The following SIN3A variants were observed in gnomAD, a reference collection of about 807,000 sequenced individuals.
SIN3A encodes the protein paired amphipathic helix protein Sin3a.
Under a neutral mutation model 146.1 loss-of-function variants are expected in SIN3A, and 14 were observed. The observed-to-expected ratio is 0.10, with a 90% CI of 0.06 to 0.15. The LOEUF (loss-of-function observed/expected upper bound fraction) is 0.15, where lower values mean the gene tolerates loss of function less well. Among genes scored for constraint, SIN3A ranks in the 10% least tolerant of loss-of-function variants. SIN3A has a pLI of 1.00. For synonymous variants in SIN3A, 572 were observed against 572.0 expected (o/e 1.00, Z 0.00); for missense variants, 1,028 against 1,576.0 (o/e 0.65, Z 5.89).
chr15:75,400,723 G>C lies in SIN3A; in HGVS notation c.1737+7C>G. ...CCAGGGCTGATCTTTGCTAGGGAAG[G>C]CCTTACCTCTTTACAGAGAGGAGTC... On this transcript the variant is annotated splice_region_variant and intron_variant, in intron 11 of 20. Coordinates refer to ENST00000394947, the MANE Select transcript of SIN3A (RefSeq NM_001145358.2). The C allele has an allele frequency of 6.2e-7, 1 of 1,610,838 alleles. No individual in the cohort carries two copies. The highest frequency in any genetic ancestry group is 8.5e-7 in the Non-Finnish European group (1 of 1,178,144).
At chr15:75,412,726 T>G in intron 5 of SIN3A, 37 bp downstream of exon 5, 1 of 1,517,536 alleles carries the variant, frequency 6.6e-7, no homozygotes, top group Non-Finnish European at 8.8e-7. Context: ...TCTCTAGGGA[T>G]GCATTCATAT....
chr15:75,376,170 C>A (rs889387461), intron 19 of SIN3A: 3 of 449,246 alleles, frequency 6.7e-6, no homozygotes, highest in African/African-American at 5.9e-5. Context: ...TTACCAGCTA[C>A]AGTTCTGCTT....
intron 2 of SIN3A, among the ~76,000 whole-genome samples, chr15:75,426,445 T>C (rs887152164): frequency 1.3e-5 from 2 of 152,208 alleles, no homozygotes; most frequent in East Asian, 3.8e-4. Flanking sequence ...AACTGCCAAA[T>C]TGCTCTCAAA....
At chr15:75,400,675 C>G in intron 11 of SIN3A, 55 bp downstream of exon 11, 1 of 1,291,218 alleles carries the variant, frequency 7.7e-7, no homozygotes, top group South Asian at 1.2e-5. Flanking sequence ...TACCACCACT[C>G]CCTTCTGGAA....
intron 3 of SIN3A, chr15:75,419,671 A>C (rs2073806926): frequency 6.6e-6 from 1 of 151,534 alleles, no homozygotes; most frequent in Non-Finnish European, 1.5e-5. Flanking sequence ...AAAAAAAAAA[A>C]TACAAAAATT....
At chr15:75,382,270 T>G (rs2072986777) in intron 17 of SIN3A, among the ~76,000 whole-genome samples, 1 of 152,246 alleles carries the variant, frequency 6.6e-6, no homozygotes, top group African/African-American at 2.4e-5. Flanking sequence ...AGTGTTCTTT[T>G]AAAGCTTTAA....
chr15:75,400,262 A>G (rs1048429047), intron 11 of SIN3A, 106 bp from the exon 12 acceptor site: 16 of 653,586 alleles, frequency 2.4e-5, no homozygotes, highest in Non-Finnish European at 5.5e-6. Context: ...TAGGCAACTA[A>G]TATTACTTCA....
chr15:75,416,128 T>G (rs547979642), intron 3 of SIN3A: 23 of 185,842 alleles, frequency 1.2e-4, no homozygotes, highest in Non-Finnish European at 2.1e-4. Flanking sequence ...TCAAGCTTTA[T>G]AAAAATGCAG....
intron 1 of SIN3A, chr15:75,447,857 A>T (rs1401648984): frequency 6.6e-6 from 1 of 152,190 alleles, no homozygotes; most frequent in African/African-American, 2.4e-5. Flanking sequence ...AAAAGGGGCA[A>T]ATAAGAAATA....
chr15:75,453,846 C>G (rs2074446164), upstream of SIN3A: 1 of 152,298 alleles, frequency 6.6e-6, no homozygotes, highest in Non-Finnish European at 1.5e-5. Context: ...CACTGTAATC[C>G]CCTGGCTTCA....
At chr15:75,437,918 A>T (rs2074134282) in intron 1 of SIN3A, among the ~76,000 whole-genome samples, 2 of 152,252 alleles carry the variant, frequency 1.3e-5, no homozygotes, top group Admixed American at 6.5e-5. Flanking sequence ...ACTCTGGGTG[A>T]CTGAGGAGGA....
At chr15:75,414,362 T>TA in intron 3 of SIN3A, 51 bp from the exon 4 acceptor site, 5 of 1,015,444 alleles carry the variant, frequency 4.9e-6, no homozygotes, top group East Asian at 2.8e-5. Flanking sequence ...AGCTCATAAT[T>TA]ACAAAAAAAA....
At chr15:75,450,286 T>C (rs2074379019) in intron 1 of SIN3A, among the ~76,000 whole-genome samples, 1 of 152,046 alleles carries the variant, frequency 6.6e-6, no homozygotes, top group Non-Finnish European at 1.5e-5. Context: ...AGGAGGAGCT[T>C]CCACTGCCTT....
chr15:75,437,910 T>C (rs2074133979), intron 1 of SIN3A, among the ~76,000 whole-genome samples: 1 of 152,124 alleles, frequency 6.6e-6, no homozygotes, highest in South Asian at 2.1e-4. Flanking sequence ...ATTCCAGCAC[T>C]CTGGGTGACT....
chr15:75,411,474 T>C lies in SIN3A; in HGVS notation c.1008+18A>G, dbSNP rs1314469889. The C allele has an allele frequency of 6.2e-7, 1 of 1,606,394 alleles. No homozygotes were observed. The highest frequency in any genetic ancestry group is 8.5e-7 in the Non-Finnish European group (1 of 1,175,190). On this transcript the variant is annotated intron_variant, in intron 6 of 20. Transcript: ENST00000394947. ...AGAGGGTGACCTGGTTAAGACAGGC[T>C]GAATGGGCACTCCTTACCTGATATG...
intron 3 of SIN3A, chr15:75,420,736 G>GT (rs758132149): frequency 6.6e-6 from 1 of 152,216 alleles, no homozygotes; most frequent in Non-Finnish European, 1.5e-5. Flanking sequence ...TCAAATGCTT[G>GT]TAATGCATTT....
intron 1 of SIN3A, among the ~76,000 whole-genome samples, chr15:75,448,483 G>C (rs1490183553): frequency 6.2e-5 from 9 of 145,746 alleles, no homozygotes; most frequent in Admixed American, 6.1e-4. Flanking sequence ...GACAGAGCAG[G>C]ACTCCATCTC....
At chr15:75,454,788 T>TCGC (rs879628733), upstream of SIN3A, 8 of 151,810 alleles carry the variant, frequency 5.3e-5, no homozygotes, top group African/African-American at 1.2e-4. Flanking sequence ...AGAGCAGCAG[T>TCGC]CGCCGCCGCC....
intron 1 of SIN3A, among the ~76,000 whole-genome samples, chr15:75,438,983 T>A (rs2074153362): frequency 6.6e-6 from 1 of 152,248 alleles, no homozygotes; most frequent in South Asian, 2.1e-4. Context: ...AGATTTCATA[T>A]ATTGATTAGA....
Sources: gnomAD v4.1 joint callset for allele counts (sites outside exome capture counted in the v4.1 genomes callset) on GRCh38, gnomAD v4.1.1 for gene constraint, MANE v1.5 for transcripts, NCBI Gene and HGNC (gene_info 2026-07-23, HGNC 2026-07-21) for gene names.